The following DLGAP1 variants were observed in gnomAD, a reference collection of about 807,000 sequenced individuals.
The protein encoded by DLGAP1 is disks large-associated protein 1.
A neutral mutation model predicts 90.8 loss-of-function variants in DLGAP1; 11 were observed. That is an observed-to-expected ratio of 0.12 (90% confidence interval 0.08 to 0.20). The LOEUF (loss-of-function observed/expected upper bound fraction) is 0.20. DLGAP1 is among the 10% of genes least tolerant of loss of function. DLGAP1 has a pLI of 1.00. For missense variants in DLGAP1, 1,050 were observed against 1,333.8 expected (o/e 0.79, Z 3.31); for synonymous variants, 558 against 540.7 (o/e 1.03, Z -0.44).
At position 3,729,021 on chromosome 18, in the gene DLGAP1, G is replaced by A. The variant is rs527592923; in HGVS notation, c.1591+114C>T. Reference sequence around the variant, plus strand: ...GAAAACCTTTGGTTTGTAGGACATGGGTGGTATCTTGTTCCTGGCAACTAT... The same window carrying A: ...GAAAACCTTTGGTTTGTAGGACATGAGTGGTATCTTGTTCCTGGCAACTAT... On this transcript the variant is annotated intron_variant, in intron 7 of 12. Coordinates refer to ENST00000315677, the MANE Select transcript of DLGAP1 (RefSeq NM_004746.4). The surrounding 1 kb of genome is among the most constrained non-coding windows in gnomAD (Gnocchi z 6.2). 5 of 1,437,396 alleles carry A rather than the reference G, an allele frequency of 3.5e-6. No individual in the cohort carries two copies. The South Asian group carries it at 7.0e-5, about 20-fold the overall frequency. 89.0% of individuals were successfully genotyped at this position (1,437,396 alleles called of 1,614,324 possible).
intron 1 of DLGAP1, among the ~76,000 whole-genome samples, chr18:4,195,943 CAG>C (rs2077490559): frequency 2.0e-5 from 3 of 152,154 alleles, no homozygotes; most frequent in African/African-American, 7.2e-5. Context: ...ATAAGAAAAA[CAG>C]GGCACAGATA....
intron 1 of DLGAP1, among the ~76,000 whole-genome samples, chr18:4,227,286 G>A (rs1476451976): frequency 6.6e-6 from 1 of 151,760 alleles, no homozygotes; most frequent in Non-Finnish European, 1.5e-5. Flanking sequence ...TTTCAGCCTT[G>A]GACAGATGAC....
At chr18:4,049,532 C>A (rs2075102871) in intron 2 of DLGAP1, among the ~76,000 whole-genome samples, 1 of 152,152 alleles carries the variant, frequency 6.6e-6, no homozygotes, top group African/African-American at 2.4e-5. Flanking sequence ...TGACTTCCCT[C>A]TGGGCTCTAA....
At chr18:3,926,160 A>ACTACTT (rs2072377248) in intron 3 of DLGAP1, among the ~76,000 whole-genome samples, 1 of 152,228 alleles carries the variant, frequency 6.6e-6, no homozygotes, top group Non-Finnish European at 1.5e-5. Flanking sequence ...TCATTGTATA[A>ACTACTT]GCCAGGTCTT....
intron 5 of DLGAP1, among the ~76,000 whole-genome samples, chr18:3,763,097 G>A (rs999779925): frequency 1.2e-4 from 19 of 152,154 alleles, no homozygotes; most frequent in African/African-American, 3.4e-4. Flanking sequence ...TGCCAAAGGA[G>A]ATTAACATTG....
chr18:4,232,939 A>C (rs1447628295), intron 1 of DLGAP1, among the ~76,000 whole-genome samples: 1 of 152,216 alleles, frequency 6.6e-6, no homozygotes, highest in Non-Finnish European at 1.5e-5. Context: ...CAAGTGTGGG[A>C]ACACAGAAGT....
chr18:3,500,666 G>T (rs910575303), intron 12 of DLGAP1, among the ~76,000 whole-genome samples: 16 of 152,046 alleles, frequency 1.1e-4, no homozygotes, highest in Admixed American at 1.3e-4. Context: ...TTTCTCCTCA[G>T]GTTCATGGGG....
At chr18:3,866,364 C>A (rs1221814732) in intron 4 of DLGAP1, among the ~76,000 whole-genome samples, 1 of 152,148 alleles carries the variant, frequency 6.6e-6, no homozygotes, top group African/African-American at 2.4e-5. Context: ...AGAACAGATA[C>A]AGAAGTTTCC....
intron 2 of DLGAP1, among the ~76,000 whole-genome samples, chr18:4,043,307 A>G (rs1274552717): frequency 2.0e-5 from 3 of 152,250 alleles, no homozygotes; most frequent in African/African-American, 7.2e-5. Flanking sequence ...GAAATTAATC[A>G]CCAAATGTCT....
intron 2 of DLGAP1, among the ~76,000 whole-genome samples, chr18:4,068,081 C>T (rs1445519288): frequency 6.6e-6 from 1 of 152,002 alleles, no homozygotes; most frequent in East Asian, 1.9e-4. Context: ...AGCACACCCT[C>T]CTTCTCATTT....
intron 3 of DLGAP1, among the ~76,000 whole-genome samples, chr18:3,990,447 A>G (rs549974978): frequency 7.2e-6 from 1 of 139,028 alleles, no homozygotes; most frequent in South Asian, 2.6e-4. Flanking sequence ...GAACACATGG[A>G]CACAGGAAGG....
chr18:4,453,950 C>T (rs1214875269), intron 1 of DLGAP1, among the ~76,000 whole-genome samples: 1 of 152,188 alleles, frequency 6.6e-6, no homozygotes, highest in African/African-American at 2.4e-5. Context: ...CACATCCTCC[C>T]CTTCTCTAGC....
chr18:4,371,865 AG>A (rs1411768648), intron 1 of DLGAP1, among the ~76,000 whole-genome samples: 1 of 152,206 alleles, frequency 6.6e-6, no homozygotes, highest in African/African-American at 2.4e-5. Flanking sequence ...ATTCACATCA[AG>A]GTGTTGCTGT....
chr18:3,830,916 A>C (rs2067997570), intron 4 of DLGAP1, among the ~76,000 whole-genome samples: 1 of 151,564 alleles, frequency 6.6e-6, no homozygotes, highest in Non-Finnish European at 1.5e-5. Context: ...TGCTCATGAA[A>C]TCTCTAATTA....
At chr18:4,366,870 C>T (rs2081782334) in intron 1 of DLGAP1, among the ~76,000 whole-genome samples, 2 of 151,654 alleles carry the variant, frequency 1.3e-5, no homozygotes, top group Non-Finnish European at 2.9e-5. Context: ...ATCTTTAAGC[C>T]ATAAATCAAA....
intron 2 of DLGAP1, among the ~76,000 whole-genome samples, chr18:4,146,609 A>C (rs1445872302): frequency 6.6e-6 from 1 of 152,150 alleles, no homozygotes; most frequent in Non-Finnish European, 1.5e-5. Context: ...GGTAATAACA[A>C]AGTTGGGGCT....
intron 9 of DLGAP1, among the ~76,000 whole-genome samples, chr18:3,551,328 C>T (rs540993639): frequency 6.6e-6 from 1 of 152,042 alleles, no homozygotes; most frequent in South Asian, 2.1e-4. Flanking sequence ...TGCCTCACTG[C>T]AACCTCCACC....
chr18:4,268,446 A>G (rs2145330086), intron 1 of DLGAP1, among the ~76,000 whole-genome samples: 1 of 152,330 alleles, frequency 6.6e-6, no homozygotes, highest in East Asian at 1.9e-4. Flanking sequence ...TACCTATTTG[A>G]TGCTGAAATA....
At chr18:3,990,633 TAATA>T (rs2073947646) in intron 3 of DLGAP1, among the ~76,000 whole-genome samples, 1 of 138,266 alleles carries the variant, frequency 7.2e-6, no homozygotes, top group Non-Finnish European at 1.6e-5. Flanking sequence ...TAAAATATAA[TAATA>T]ATAATAATAA....
Sources: allele counts gnomAD v4.1 joint callset (sites outside exome capture counted in the v4.1 genomes callset), GRCh38; gene constraint gnomAD v4.1.1; non-coding constraint Gnocchi (gnomAD v3.1); transcripts MANE v1.5; gene names NCBI Gene and HGNC (gene_info 2026-07-23, HGNC 2026-07-21).